The following TRPM4 variants were observed in gnomAD, a reference collection of about 807,000 sequenced individuals.
TRPM4 encodes the protein transient receptor potential cation channel subfamily M member 4, also known as calcium-activated non-selective cation channel 1.
Under a neutral mutation model 135.6 loss-of-function variants are expected in TRPM4, and 124 were observed. The ratio of observed to expected loss-of-function variants is 0.91; its 90% confidence interval spans 0.79 to 1.06. TRPM4 has a LOEUF of 1.06. TRPM4 is among the 50% of genes least tolerant of loss of function. The pLI is 0.00. For missense variants in TRPM4, 1,658 were observed against 1,671.4 expected, an observed-to-expected ratio of 0.99 and a Z score of 0.14; for synonymous variants, 745 against 705.6, an observed-to-expected ratio of 1.06 and a Z score of -0.88.
At chr19:49,206,562 C>G (rs1318006976) in intron 20 of TRPM4, among the ~76,000 whole-genome samples, 3 of 151,872 alleles carry the variant, frequency 2.0e-5, no homozygotes, top group Non-Finnish European at 2.9e-5. Context: ...GCCTCAGCCT[C>G]CTGAGTAGCT....
rs1227452340 is a variant in TRPM4 at position 49,182,099 on chromosome 19, T to TCCATCCATCCAC, written c.1264-468_1264-467insCCCATCCATCCA. 6.0e-3 allele frequency among the ~76,000 whole-genome samples: 434 copies of TCCATCCATCCAC among 72,166 alleles called. 17 individuals carry two copies. Among genetic ancestry groups the TCCATCCATCCAC allele is most frequent in the African/African-American group, 0.024 (404 of 17,144 alleles). The allele number at this position is 72,166 out of a possible 152,430, so 47.3% of individuals were successfully genotyped here. On this transcript the variant is annotated intron_variant, in intron 10 of 24. Transcript: ENST00000252826. ...ATCCATCCATCCATCCATCTGTCCATCCATCCATCCATCCATCCATCCATC... is the reference window on the plus strand; with the variant it reads ...ATCCATCCATCCATCCATCTGTCCATCCATCCATCCACCCATCCATCCATCCATCCATCCATC...
In TRPM4 at chr19:49,211,172, G is replaced by T. The variant is rs753945893; in HGVS notation, c.3543G>T (p.Gln1181His). The change falls in exon 24 of 25, where the codon CAG becomes CAT. Residue 1181 changes from glutamine (Q) to histidine (H), a missense_variant. By Grantham distance (24) the Gln-to-His change is conservative (BLOSUM62 0). Transcript: ENST00000252826. This position sits in a 1 kb window ranked among gnomAD's most constrained non-coding sequence, Gnocchi z 4.8. ...TTCCTCCCATTCCGCAGGTCCAGCA[G>T]TGTAGCCGCGTCCTGGGGTGGGTGG... is the stretch of plus-strand genomic sequence containing the variant. ...RLKVLEREVQ[Q>H]CSRVLGWVAE... is the part of the protein sequence containing the mutation. 6.2e-7 allele frequency: 1 copy of T among 1,605,606 alleles called. No homozygotes were observed. The highest frequency in any genetic ancestry group is 8.5e-7 in the Non-Finnish European group (1 of 1,176,686).
At chr19:49,207,710 G>A (rs1340877094) in intron 20 of TRPM4, among the ~76,000 whole-genome samples, 1 of 151,638 alleles carries the variant, frequency 6.6e-6, no homozygotes, top group East Asian at 1.9e-4. Context: ...GGAGGCCGAG[G>A]TGGGCAGATC....
chr19:49,168,447 G>T (rs1454519308), intron 5 of TRPM4, 24 bp downstream of exon 5: 11 of 1,613,806 alleles, frequency 6.8e-6, no homozygotes, highest in South Asian at 6.6e-5. Context: ...ACTTGGAAAA[G>T]GGGGCTGGAG....
At chr19:49,209,933 G>C (rs1969284615) in intron 20 of TRPM4, among the ~76,000 whole-genome samples, 1 of 151,918 alleles carries the variant, frequency 6.6e-6, no homozygotes, top group African/African-American at 2.4e-5. Flanking sequence ...ATTTTTAGTA[G>C]AGATGGGGCT....
In TRPM4 at chr19:49,158,199, TC is replaced by T. The variant is rs1012356996; in HGVS notation, c.36del (p.Lys13ArgfsTer12). The T allele has an allele frequency of 2.5e-6, 4 of 1,613,528 alleles. No homozygotes were observed. The highest frequency in any genetic ancestry group is 3.4e-6 in the Non-Finnish European group (4 of 1,179,884). MVVPEKEQSWIPKIFKKKTCT... is the reference protein window; with the variant it reads MVVPEKEQSWXPKIFKKKTCT... ...ATTTGTTCCTGTCCCCAGAGCTGGATCCCCAAGATCTTCAAGAAGAAGACCT... is the reference window on the plus strand; with the variant it reads ...ATTTGTTCCTGTCCCCAGAGCTGGATCCCAAGATCTTCAAGAAGAAGACCT... On this transcript the variant is annotated frameshift_variant, in exon 2 of 25. Transcript: ENST00000252826. LOFTEE classifies it high-confidence loss of function.
chr19:49,158,364 G>C, intron 2 of TRPM4, 105 bp downstream of exon 2: 1 of 1,093,152 alleles, frequency 9.1e-7, no homozygotes, highest in South Asian at 1.2e-5. Flanking sequence ...CCTGGACTCG[G>C]GGACCTTCCC....
At chr19:49,190,635 G>T (rs759653902) in intron 15 of TRPM4, 61 bp from the exon 16 acceptor site, 3 of 1,553,128 alleles carry the variant, frequency 1.9e-6, no homozygotes, top group Non-Finnish European at 2.7e-6. Context: ...AGTTTTGCTG[G>T]AGAATGCCTC....
rs751895173 is a variant in TRPM4, at chr19:49,211,445, C to T, written c.3641-49C>T. ...TGCCAGTCTCCCAGTTTTTCTGTCT[C>T]TCCCCTTCCCTGCCAATCACCTGCT... On this transcript the variant is annotated intron_variant, in intron 24 of 24. Transcript: ENST00000252826. This position sits in a 1 kb window ranked among gnomAD's most constrained non-coding sequence, Gnocchi z 4.8. The T allele has an allele frequency of 1.9e-6, 3 of 1,613,514 alleles. No individual in the cohort carries two copies. Among genetic ancestry groups the T allele is most frequent in the Non-Finnish European group, 2.5e-6 (3 of 1,179,954 alleles).
At chr19:49,175,467 C>T (rs1217496318) in intron 9 of TRPM4, among the ~76,000 whole-genome samples, 1 of 151,966 alleles carries the variant, frequency 6.6e-6, no homozygotes, top group Non-Finnish European at 1.5e-5. Context: ...TCTCGGCCTC[C>T]CAACGTGCTG....
rs1191716319 is a variant in TRPM4, at chr19:49,168,417, C to T, written c.606C>T (p.Asn202=). The change falls in exon 5 of 25, where the codon AAC becomes AAT. Residue 202 remains asparagine, a synonymous_variant. Coordinates refer to ENST00000252826, the MANE Select transcript of TRPM4 (RefSeq NM_017636.4). ...GVVRNRDTLI[N]PKGSFPARYR... ...TCCGGAATAGAGACACCCTCATCAA[C>T]CCCAAGGTGTGACCCAGGGACTTGG... The T allele has an allele frequency of 2.5e-6, 4 of 1,613,884 alleles. No individual in the cohort carries two copies. Among genetic ancestry groups the T allele is most frequent in the African/African-American group, 1.3e-5 (1 of 74,890 alleles).
chr19:49,210,354 T>C lies in TRPM4; in HGVS notation c.3277T>C (p.Cys1093Arg). 6.2e-7 allele frequency: 1 copy of C among 1,614,158 alleles called. No individual in the cohort carries two copies. The change falls in exon 21 of 25, where the codon TGC (cysteine) becomes CGC (arginine). Residue 1093 changes from cysteine (C) to arginine (R), a missense_variant. Cys to Arg is a radical substitution (Grantham distance 180). Around this residue, in one of 3 missense-constraint regions of TRPM4, gnomAD observed 1,412 missense variants for 1,408.7 expected, o/e 1.00. Transcript: ENST00000252826. The surrounding 1 kb of genome is among the most constrained non-coding windows in gnomAD (Gnocchi z 4.1). Reference protein sequence around the residue: ...SHLRLLLRQLCRRPRSPQPSS... With the variant: ...SHLRLLLRQLRRRPRSPQPSS... Reference sequence around the variant, plus strand: ...CTTGCGCCTCCTGCTCAGGCAATTGTGCAGGCGACCCCGGAGCCCCCAGCC... The same window carrying C: ...CTTGCGCCTCCTGCTCAGGCAATTGCGCAGGCGACCCCGGAGCCCCCAGCC...
At chr19:49,165,666 C>A (rs929540537) in intron 2 of TRPM4, among the ~76,000 whole-genome samples, 5 of 152,180 alleles carry the variant, frequency 3.3e-5, no homozygotes, top group Admixed American at 3.3e-4. Context: ...TGCGGGCTCT[C>A]CCTGAGTTAC....
chr19:49,194,317 C>T (rs750367820), intron 16 of TRPM4, among the ~76,000 whole-genome samples: 10 of 152,120 alleles, frequency 6.6e-5, no homozygotes, highest in Non-Finnish European at 1.0e-4. Flanking sequence ...AGCAGTGGCG[C>T]GATCATGGCT....
At chr19:49,175,488 C>A (rs549141950) in intron 9 of TRPM4, among the ~76,000 whole-genome samples, 94 of 151,942 alleles carry the variant, frequency 6.2e-4, no homozygotes, top group South Asian at 4.2e-4. Context: ...GGATTACAGG[C>A]GTGAGCCATT....
chr19:49,209,915 A>G (rs1179758851), intron 20 of TRPM4, among the ~76,000 whole-genome samples: 2 of 151,696 alleles, frequency 1.3e-5, no homozygotes, highest in Non-Finnish European at 2.9e-5. Context: ...CGCCTGGCTA[A>G]TTTTTGTATT....
rs148833212 is a variant in TRPM4 at position 49,200,596 on chromosome 19, C to G, written c.2779-15C>G. On this transcript the variant is annotated splice_polypyrimidine_tract_variant and intron_variant, in intron 18 of 24. Coordinates refer to ENST00000252826, the MANE Select transcript of TRPM4 (RefSeq NM_017636.4). ...AGGAAAGGGCGGGGCCAGACTCAGC[C>G]ACATCTCCCCACAGATGAAGGACGT... 6.0e-5 allele frequency: 96 copies of G among 1,611,224 alleles called. No homozygotes were observed. In the East Asian group the frequency reaches 2.0e-3, roughly 33 times the overall value.
rs925084995 is a variant in TRPM4, at chr19:49,210,218, C to G, written c.3141C>G (p.Phe1047Leu). ...CCTCTGGCCTTTGCAGTTACACATT[C>G]GGCAAAGTACAGGGCAACAGCGATC... ...NLLIAMFSYTFGKVQGNSDLY... is the reference protein window; with the variant it reads ...NLLIAMFSYTLGKVQGNSDLY... The change falls in exon 21 of 25, where the codon TTC (phenylalanine) becomes TTG (leucine). Residue 1047 changes from phenylalanine to leucine, a missense_variant. Phe to Leu is a conservative substitution (Grantham distance 22). This residue lies in a region of TRPM4 where 1,412 missense variants were observed against 1,408.7 expected (regional missense o/e 1.00). Transcript: ENST00000252826. This position sits in a 1 kb window ranked among gnomAD's most constrained non-coding sequence, Gnocchi z 4.1. The G allele has an allele frequency of 6.2e-7, 1 of 1,614,250 alleles. No individual in the cohort carries two copies.
intron 20 of TRPM4, among the ~76,000 whole-genome samples, chr19:49,206,064 G>A (rs1969138999): frequency 1.3e-5 from 2 of 152,116 alleles, no homozygotes; most frequent in South Asian, 2.1e-4. Flanking sequence ...GGATTCAAAC[G>A]ATTCTCCTAA....
Sources: gnomAD v4.1 joint callset for allele counts (sites outside exome capture counted in the v4.1 genomes callset) on GRCh38, gnomAD v4.1.1 for gene constraint, gnomAD v4.1.1 regional missense constraint, Gnocchi (gnomAD v3.1) non-coding constraint, MANE v1.5 for transcripts, NCBI Gene and HGNC (gene_info 2026-07-23, HGNC 2026-07-21) for gene names.